RPH3A: variants seen among roughly 807,000 people sequenced by gnomAD.
RPH3A encodes the protein rabphilin 3A.
In RPH3A, 48 loss-of-function variants were observed where a neutral mutation model predicts 102.2. The ratio of observed to expected loss-of-function variants is 0.47; its 90% CI spans 0.37 to 0.60. RPH3A has a LOEUF of 0.60. Ranked by LOEUF, RPH3A falls within the 20% of genes least tolerant of loss-of-function variation. The pLI is 0.00. For synonymous variants in RPH3A, 310 were observed against 324.3 expected, an observed-to-expected ratio of 0.96 and a Z score of 0.47; for missense variants, 781 against 910.1, an observed-to-expected ratio of 0.86 and a Z score of 1.83.
At chr12:112,811,046 C>A (rs2041566446) in intron 2 of RPH3A, among the ~76,000 whole-genome samples, 1 of 151,976 alleles carries the variant, frequency 6.6e-6, no homozygotes, top group Non-Finnish European at 1.5e-5. Context: ...TTATGTTCTG[C>A]AAAGTTGCCA....
rs1248085404 is a variant in RPH3A at position 112,712,927 on chromosome 12, C to CTTA, written c.-139-79214_-139-79213insATT. 2.5e-4 allele frequency among the ~76,000 whole-genome samples: 24 copies of CTTA among 95,692 alleles called. No homozygotes were observed. In the East Asian group the frequency reaches 6.6e-3, roughly 26 times the overall value. The allele number at this position is 95,692 out of a possible 152,430, so 62.8% of individuals were successfully genotyped here. On this transcript the variant is annotated intron_variant, in intron 1 of 21. Coordinates refer to the RPH3A transcript ENST00000543106. ...TCCTCTTCTTCTTCTTCTTCTTCCT[C>CTTA]TTCTTCTTCTTCTTCTTCTTCTTCT...
chr12:112,881,654 G>A (rs1047550551), intron 14 of RPH3A, 118 bp from the exon 15 acceptor site: 9 of 608,700 alleles, frequency 1.5e-5, no homozygotes, highest in African/African-American at 1.3e-4. Context: ...TTTGGAGGAG[G>A]AAGCACACAG....
intron 1 of RPH3A, among the ~76,000 whole-genome samples, chr12:112,576,515 G>A (rs1256086746): frequency 6.6e-6 from 1 of 151,870 alleles, no homozygotes; most frequent in Non-Finnish European, 1.5e-5. Context: ...CACCTCACCC[G>A]GCCTTAATTT....
intron 4 of RPH3A, among the ~76,000 whole-genome samples, chr12:112,844,158 G>A (rs764901665): frequency 1.1e-4 from 17 of 152,196 alleles, no homozygotes; most frequent in Non-Finnish European, 2.2e-4. Context: ...GACCCTGGGT[G>A]TGGGCAGGAC....
At chr12:112,697,598 A>G (rs895670760) in intron 1 of RPH3A, among the ~76,000 whole-genome samples, 4 of 152,134 alleles carry the variant, frequency 2.6e-5, no homozygotes, top group Non-Finnish European at 4.4e-5. Context: ...AGGCATGGTG[A>G]CTCACGCCTG....
At chr12:112,728,517 C>G (rs575027130) in intron 1 of RPH3A, among the ~76,000 whole-genome samples, 73 of 151,948 alleles carry the variant, frequency 4.8e-4, no homozygotes, top group Non-Finnish European at 1.0e-3. Context: ...CAATAGGAAA[C>G]CAAAATGTTC....
chr12:112,661,087 G>A (rs2040045736), intron 1 of RPH3A, among the ~76,000 whole-genome samples: 1 of 152,086 alleles, frequency 6.6e-6, no homozygotes, highest in African/African-American at 2.4e-5. Flanking sequence ...ACCTCAGAGG[G>A]TTCGTGTGAA....
intron 6 of RPH3A, among the ~76,000 whole-genome samples, chr12:112,865,754 G>A (rs2042601806): frequency 6.7e-6 from 1 of 148,988 alleles, no homozygotes; most frequent in South Asian, 2.1e-4. Flanking sequence ...GCCACTCTGA[G>A]CCTTCTGTCT....
intron 1 of RPH3A, among the ~76,000 whole-genome samples, chr12:112,779,763 A>G (rs375452337): frequency 6.6e-6 from 1 of 152,156 alleles, no homozygotes; most frequent in African/African-American, 2.4e-5. Context: ...AGAACCTCAG[A>G]ATGTGACCTT....
At chr12:112,650,355 A>C (rs1331543787) in intron 1 of RPH3A, among the ~76,000 whole-genome samples, 5 of 152,206 alleles carry the variant, frequency 3.3e-5, no homozygotes, top group Admixed American at 2.0e-4. Context: ...CAGAATTTCT[A>C]ACCTCTCTGC....
chr12:112,757,421 T>G (rs2136064519), intron 1 of RPH3A, among the ~76,000 whole-genome samples: 1 of 152,254 alleles, frequency 6.6e-6, no homozygotes, highest in South Asian at 2.1e-4. Flanking sequence ...CTACTATAAT[T>G]AACAATTTAT....
chr12:112,825,715 T>TGAACAAAACGGAAAAA (rs898227462), intron 2 of RPH3A, among the ~76,000 whole-genome samples: 1 of 152,096 alleles, frequency 6.6e-6, no homozygotes, highest in African/African-American at 2.4e-5. Flanking sequence ...GATTAAGCAG[T>TGAACAAAACGGAAAAA]GAACAAAACG....
At chr12:112,800,138 T>C (rs898843328) in intron 2 of RPH3A, among the ~76,000 whole-genome samples, 19 of 151,890 alleles carry the variant, frequency 1.3e-4, no homozygotes, top group African/African-American at 3.6e-4. Flanking sequence ...TGAAGTGCCA[T>C]GAAGGAAGGA....
intron 5 of RPH3A, among the ~76,000 whole-genome samples, chr12:112,856,475 C>T (rs898094899): frequency 1.6e-5 from 2 of 125,806 alleles, no homozygotes; most frequent in African/African-American, 6.8e-5. Flanking sequence ...GTTCTGATCA[C>T]ACATGTGCAT....
chr12:112,875,960 G>C (rs542584450), intron 12 of RPH3A, among the ~76,000 whole-genome samples: 3 of 152,284 alleles, frequency 2.0e-5, no homozygotes, highest in South Asian at 4.1e-4. Flanking sequence ...AGACTACCTG[G>C]GTTCAAATCC....
intron 14 of RPH3A, among the ~76,000 whole-genome samples, chr12:112,879,413 C>T (rs372582884): frequency 2.0e-5 from 3 of 152,246 alleles, no homozygotes; most frequent in African/African-American, 7.2e-5. Context: ...TTATCTGCAA[C>T]CACCTCCTGG....
chr12:112,619,246 CTGTGTGTGTGTGTG>C lies in RPH3A; in HGVS notation c.-140+43967_-140+43980del, dbSNP rs60894997. ...GGAATGGAATTGCCTTATGGTAATT[CTGTGTGTGTGTGTG>C]TGTGTGTGTGTGTGTGTGTGTGTGT... On this transcript the variant is annotated intron_variant, in intron 1 of 21. Transcript: ENST00000543106. Among the ~76,000 whole-genome samples, 275 of 125,442 alleles carry C rather than the reference CTGTGTGTGTGTGTG, an allele frequency of 2.2e-3. 1 individual carries two copies. The highest frequency in any genetic ancestry group is 5.7e-3 in the African/African-American group (192 of 33,420). 82.3% of individuals were successfully genotyped at this position (125,442 alleles called of 152,430 possible). A position where few individuals can be genotyped will look rare whatever the true frequency, so the allele number is the denominator to read the frequency against.
chr12:112,821,464 A>G (rs2041778436), intron 2 of RPH3A, among the ~76,000 whole-genome samples: 1 of 143,560 alleles, frequency 7.0e-6, no homozygotes, highest in Admixed American at 7.1e-5. Flanking sequence ...TACTCCAACC[A>G]CTCTGTCTTC....
chr12:112,754,878 T>G (rs2040811455), intron 1 of RPH3A, among the ~76,000 whole-genome samples: 2 of 152,232 alleles, frequency 1.3e-5, no homozygotes, highest in South Asian at 4.1e-4. Flanking sequence ...CAATGCCCGG[T>G]TCTGCTTCAA....
Sources: gnomAD v4.1 joint callset for allele counts (sites outside exome capture counted in the v4.1 genomes callset) on GRCh38, gnomAD v4.1.1 for gene constraint, MANE v1.5 for transcripts, NCBI Gene and HGNC (gene_info 2026-07-23, HGNC 2026-07-21) for gene names.